The following GPR108 variants were observed in gnomAD, a reference collection of about 807,000 sequenced individuals.
GPR108 encodes G protein-coupled receptor 108, also known as protein GPR108.
GPR108 carries 60 observed loss-of-function variants against 74.3 expected under a neutral mutation model. The observed-to-expected ratio is 0.81, with a 90% CI of 0.66 to 1.00. The LOEUF (loss-of-function observed/expected upper bound fraction) is 1.00. GPR108 is among the 50% of genes least tolerant of loss of function. The probability of loss-of-function intolerance (pLI) is 0.00; values close to 1 mark genes in which losing one functional copy is unlikely to be tolerated. For synonymous variants in GPR108, 311 were observed against 292.4 expected, an observed-to-expected ratio of 1.06 and a Z score of -0.65; for missense variants, 667 against 703.3, an observed-to-expected ratio of 0.95 and a Z score of 0.58.
In GPR108 at chr19:6,736,581, A is replaced by G. The variant is rs1429151939; in HGVS notation, c.240+11T>C. 1 of 1,612,002 alleles carries G rather than the reference A, an allele frequency of 6.2e-7. No individual in the cohort carries two copies. Among genetic ancestry groups the G allele is most frequent in the African/African-American group, 1.3e-5 (1 of 74,860 alleles). ...GTGCTCTCCTCCAGCAAACTCCTCA[A>G]GGTCCCTCACCAGCAGGGACTTCTC... On this transcript the variant is annotated intron_variant, in intron 2 of 17. Coordinates refer to ENST00000264080, the MANE Select transcript of GPR108 (RefSeq NM_001080452.2).
At chr19:6,735,734 T>C in intron 3 of GPR108, 30 bp from the exon 4 acceptor site, 1 of 1,594,776 alleles carries the variant, frequency 6.3e-7, no homozygotes, top group Non-Finnish European at 8.6e-7. Context: ...GAGTGAGTCT[T>C]GGTTACTCCT....
chr19:6,733,260 T>G lies in GPR108; in HGVS notation c.765A>C (p.Ala255=). 1 of 1,613,874 alleles carries G rather than the reference T, an allele frequency of 6.2e-7. No individual in the cohort carries two copies. Among genetic ancestry groups the G allele is most frequent in the South Asian group, 1.1e-5 (1 of 91,084 alleles). The change falls in exon 9 of 18, where the codon GCA becomes GCC. Residue 255 remains alanine (A), a synonymous_variant. Transcript: ENST00000264080. ...REKNPDGFLS[A]AEMPLFKLYM... ...AGAGCTTGAAAAGGGGCATCTCCGC[T>G]GCCGACAGGAAGCCATCGGGGTTCT... is the stretch of plus-strand genomic sequence containing the variant.
rs1469412051 is a variant in GPR108, at chr19:6,737,456, C to A, written c.120+1G>T. On this transcript the variant is annotated splice_donor_variant, in intron 1 of 17. Transcript: ENST00000264080. LOFTEE classifies it high-confidence loss of function. ...CCAGACCCTCGCGCGGCGGGCCTCA[C>A]CGTCAGCGCCAGCTGGTGGATGCGC... 2 of 1,586,740 alleles carry A rather than the reference C, an allele frequency of 1.3e-6. No homozygotes were observed. The highest frequency in any genetic ancestry group is 2.2e-5 in the South Asian group (2 of 90,168).
In GPR108 at chr19:6,735,958, C is replaced by T; in HGVS notation, c.241G>A (p.Val81Met). 1 of 1,607,574 alleles carries T rather than the reference C, an allele frequency of 6.2e-7. No individual in the cohort carries two copies. Among genetic ancestry groups the T allele is most frequent in the Non-Finnish European group, 8.5e-7 (1 of 1,176,394 alleles). ...CGAACCCGGCTGAGACTGAACCCCA[C>T]CTGGTGGGTGGAAAAAAAAAGGGGA... ...LREAEEKSLLVGFSLSRVRSG... is the reference protein window; with the variant it reads ...LREAEEKSLLMGFSLSRVRSG... Residue 81 changes from valine to methionine, a missense_variant and splice_region_variant, in exon 3 of 18, where the codon GTG becomes ATG. Transcript: ENST00000264080.
rs761864343 is a variant in GPR108, at chr19:6,731,941, C to T, written c.1257-7G>A. 1.2e-6 allele frequency: 2 copies of T among 1,613,088 alleles called. No individual in the cohort carries two copies. The highest frequency in any genetic ancestry group is 3.3e-5 in the Admixed American group (2 of 59,944). ...CTGGAGATGCCGGATGGACCTGGGA[C>T]AAGTGGAGGACACAGGGTACGGTCA... is the stretch of plus-strand genomic sequence containing the variant. On this transcript the variant is annotated splice_region_variant and splice_polypyrimidine_tract_variant and intron_variant, in intron 13 of 17. Coordinates refer to ENST00000264080, the MANE Select transcript of GPR108 (RefSeq NM_001080452.2).
Position 6,732,387 on chromosome 19 carries a change from G to A in GPR108, c.1008-7C>T. The A allele has an allele frequency of 1.2e-6, 2 of 1,613,340 alleles. No individual in the cohort carries two copies. Among genetic ancestry groups the A allele is most frequent in the East Asian group, 2.2e-5 (1 of 44,882 alleles). On this transcript the variant is annotated splice_polypyrimidine_tract_variant and splice_region_variant and intron_variant, in intron 11 of 17. Transcript: ENST00000264080. ...GAGGAGGGCGCCCTTCAGCCTGAAG[G>A]AGCAGGGGAGGGCGTGATGATGAGG...
At chr19:6,733,524 C>T in intron 8 of GPR108, 46 bp downstream of exon 8, 1 of 1,565,724 alleles carries the variant, frequency 6.4e-7, no homozygotes, top group Non-Finnish European at 8.8e-7. Flanking sequence ...CCCGCAGTGG[C>T]CTGCAGGGGG....
At chr19:6,730,964 C>T in intron 17 of GPR108, 23 bp downstream of exon 17, 5 of 1,612,070 alleles carry the variant, frequency 3.1e-6, no homozygotes, top group Non-Finnish European at 4.2e-6. Context: ...AGCCGCCGGC[C>T]CTGCCCATGG....
Position 6,734,173 on chromosome 19 carries a change from C to A in GPR108, c.499+10G>T, listed in dbSNP as rs769501447. 1.7e-5 allele frequency: 28 copies of A among 1,614,174 alleles called. No homozygotes were observed. Among genetic ancestry groups the A allele is most frequent in the Non-Finnish European group, 2.2e-5 (26 of 1,180,022 alleles). ...CATCCACCCCCGTCTGCACAGCCAG[C>A]CTGACTCACCGCCATCCACCTTGCG... On this transcript the variant is annotated intron_variant, in intron 5 of 17. Transcript: ENST00000264080.
Position 6,731,296 on chromosome 19 carries a change from A to C in GPR108, c.1351-14T>G, listed in dbSNP as rs1968391608. ...GTAGCAGATGACCTGCAGGGGCGCG[A>C]GCAGGCGTGGGGCCAGGACTGTAGG... On this transcript the variant is annotated splice_polypyrimidine_tract_variant and intron_variant, in intron 15 of 17. Transcript: ENST00000264080. The C allele has an allele frequency of 6.5e-7, 1 of 1,541,762 alleles. No homozygotes were observed. Among genetic ancestry groups the C allele is most frequent in the African/African-American group, 1.4e-5 (1 of 72,844 alleles).
intron 8 of GPR108, 125 bp downstream of exon 8, chr19:6,733,445 T>A (rs984424770): frequency 2.3e-6 from 3 of 1,280,774 alleles, no homozygotes; most frequent in Non-Finnish European, 3.3e-6. Context: ...GTCTCTCAAA[T>A]GGGTATAACA....
Position 6,733,653 on chromosome 19 carries a change from G to C in GPR108, c.640C>G (p.Gln214Glu), listed in dbSNP as rs1480822489. 1.2e-6 allele frequency: 2 copies of C among 1,614,102 alleles called. No homozygotes were observed. The highest frequency in any genetic ancestry group is 1.3e-5 in the African/African-American group (1 of 75,052). ...NFSFHVVIGS[Q>E]AEEGQYSLNF... ...AGGCTGTACTGGCCTTCTTCCGCCT[G>C]AGAGCCGATCACCACGTGGAACTGG... The change falls in exon 8 of 18, where the codon CAG (glutamine) becomes GAG (glutamate). Residue 214 changes from glutamine (Q) to glutamate (E), a missense_variant. Gln to Glu is a conservative substitution (Grantham distance 29). Transcript: ENST00000264080.
intron 8 of GPR108, 46 bp from the exon 9 acceptor site, chr19:6,733,347 C>G: frequency 3.8e-6 from 6 of 1,590,964 alleles, no homozygotes; most frequent in Non-Finnish European, 5.2e-6. Context: ...ACAGCCCGAC[C>G]GCTGGCCTGG....
intron 15 of GPR108, 27 bp downstream of exon 15, chr19:6,731,446 C>T: frequency 6.5e-7 from 1 of 1,527,422 alleles, no homozygotes; most frequent in Non-Finnish European, 8.8e-7. Context: ...TCCCCCCAAA[C>T]CCGCTGTGAG....
intron 4 of GPR108, 182 bp downstream of exon 4, chr19:6,735,440 C>T: frequency 1.7e-6 from 1 of 592,190 alleles, no homozygotes; most frequent in Non-Finnish European, 3.0e-6. Context: ...CCTGAGACAC[C>T]AACACCCGCG....
In GPR108 at chr19:6,730,282, A is replaced by T. The variant is rs73500312; in HGVS notation, c.*30T>A. The T allele has an allele frequency of 9.3e-4, 1,490 of 1,599,206 alleles. 23 individuals are homozygous for T. The African/African-American group carries it at 0.018, about 19-fold the overall frequency. On this transcript the variant is annotated 3_prime_UTR_variant, in exon 18 of 18. Coordinates refer to ENST00000264080, the MANE Select transcript of GPR108 (RefSeq NM_001080452.2). ...CAGGAGTGAGAAATGCTGGGGGAGG[A>T]CGACCCTTTGGTCTGAGATGTGGAG...
intron 14 of GPR108, 127 bp from the exon 15 acceptor site, chr19:6,731,649 G>A: frequency 3.3e-6 from 3 of 903,116 alleles, no homozygotes; most frequent in Non-Finnish European, 5.0e-6. Context: ...AAGTCTCGAG[G>A]GGACATTAGG....
intron 17 of GPR108, 189 bp from the exon 18 acceptor site, chr19:6,730,573 T>G: frequency 2.0e-5 from 11 of 563,524 alleles, no homozygotes; most frequent in South Asian, 7.8e-5. Flanking sequence ...ACCCTTCTAC[T>G]CCAACCACCT....
Position 6,735,934 on chromosome 19 carries a change from G to A in GPR108, c.265C>T (p.Arg89Trp), listed in dbSNP as rs538972817. The A allele has an allele frequency of 3.7e-6, 6 of 1,610,942 alleles. No homozygotes were observed. The highest frequency in any genetic ancestry group is 2.2e-5 in the South Asian group (2 of 90,534). Reference protein sequence around the residue: ...LLVGFSLSRVRSGRVRSYSTR... With the variant: ...LLVGFSLSRVWSGRVRSYSTR... The stretch of plus-strand genomic sequence containing the variant: ...GAATAGGAGCGAACTCTGCCAGACC[G>A]AACCCGGCTGAGACTGAACCCCACC... Residue 89 changes from arginine to tryptophan, a missense_variant, in exon 3 of 18, where the codon CGG becomes TGG. Transcript: ENST00000264080.
Sources: allele counts gnomAD v4.1 joint callset, GRCh38; gene constraint gnomAD v4.1.1; transcripts MANE v1.5; gene names NCBI Gene and HGNC (gene_info 2026-07-23, HGNC 2026-07-21).